Variants in IGF2BP2 observed in about 807,000 individuals in gnomAD.
The protein encoded by IGF2BP2 is insulin like growth factor 2 mRNA binding protein 2.
Under a neutral mutation model 75.8 loss-of-function variants are expected in IGF2BP2, and 17 were observed. The ratio of observed to expected loss-of-function variants is 0.22; its 90% CI spans 0.15 to 0.34. The LOEUF (loss-of-function observed/expected upper bound fraction) is 0.34. Among genes scored for constraint, IGF2BP2 ranks in the 10% least tolerant of loss-of-function variants. The pLI, the probability that IGF2BP2 is intolerant of heterozygous loss-of-function variation, is 1.00. For missense variants in IGF2BP2, 516 were observed against 772.4 expected (o/e 0.67, Z 3.93); for synonymous variants, 288 against 295.6 (o/e 0.97, Z 0.26).
chr3:185,786,234 C>G (rs886853020), intron 2 of IGF2BP2, among the ~76,000 whole-genome samples: 1 of 152,116 alleles, frequency 6.6e-6, no homozygotes, highest in Admixed American at 6.5e-5. Flanking sequence ...CCCCAAGAAT[C>G]AATGTTCACT....
intron 10 of IGF2BP2, among the ~76,000 whole-genome samples, chr3:185,666,009 G>C (rs754045598): frequency 1.3e-5 from 1 of 76,952 alleles, no homozygotes; most frequent in Non-Finnish European, 3.2e-5. Flanking sequence ...TACATAGATA[G>C]ATAGATAGAT....
chr3:185,677,410 A>G (rs1009951756), intron 7 of IGF2BP2, among the ~76,000 whole-genome samples: 2 of 151,956 alleles, frequency 1.3e-5, no homozygotes, highest in African/African-American at 4.8e-5. Flanking sequence ...AGAGGGATCA[A>G]GAGATTAGAA....
chr3:185,716,829 A>G (rs568306770), intron 2 of IGF2BP2: 1 of 515,548 alleles, frequency 1.9e-6, no homozygotes, highest in South Asian at 1.4e-5. Context: ...AAGAGAGGCT[A>G]CGCAGCCTGG....
chr3:185,675,651 T>G (rs765224284), intron 8 of IGF2BP2, 140 bp downstream of exon 8: 15 of 1,219,848 alleles, frequency 1.2e-5, no homozygotes, highest in Non-Finnish European at 1.6e-5. Flanking sequence ...ATTTATGTAT[T>G]TTTTTAAAAG....
In IGF2BP2 at chr3:185,648,307, T is replaced by C. The variant is rs553326769; in HGVS notation, c.1593+1096A>G. Reference sequence around the variant, plus strand: ...TGAAACCCCGTCTATACTAAAAATATAAAAAATTAGCTGGGCATGGTGGCG... The same window carrying C: ...TGAAACCCCGTCTATACTAAAAATACAAAAAATTAGCTGGGCATGGTGGCG... On this transcript the variant is annotated intron_variant, in intron 14 of 15. Coordinates refer to ENST00000382199, the MANE Select transcript of IGF2BP2 (RefSeq NM_006548.6). 2.0e-5 allele frequency among the ~76,000 whole-genome samples: 3 copies of C among 151,504 alleles called. No homozygotes were observed. The South Asian group carries it at 6.3e-4, about 32-fold the overall frequency.
intron 2 of IGF2BP2, among the ~76,000 whole-genome samples, chr3:185,785,086 A>C (rs1027786502): frequency 6.6e-6 from 1 of 152,116 alleles, no homozygotes. Flanking sequence ...AGATCACTTG[A>C]GGTCAGGAGT....
chr3:185,726,015 T>C (rs1278901262), intron 2 of IGF2BP2, among the ~76,000 whole-genome samples: 1 of 152,130 alleles, frequency 6.6e-6, no homozygotes, highest in Non-Finnish European at 1.5e-5. Flanking sequence ...TGAACACTGG[T>C]GTTGGTTAAA....
intron 2 of IGF2BP2, among the ~76,000 whole-genome samples, chr3:185,761,660 G>T (rs755576916): frequency 3.9e-5 from 6 of 152,190 alleles, no homozygotes; most frequent in Non-Finnish European, 8.8e-5. Flanking sequence ...CCCTGATAGA[G>T]TTCAACAAAA....
chr3:185,783,359 G>C (rs1735451762), intron 2 of IGF2BP2, among the ~76,000 whole-genome samples: 1 of 152,194 alleles, frequency 6.6e-6, no homozygotes, highest in Admixed American at 6.5e-5. Context: ...CAGGGTTACA[G>C]GGAGCTCTGC....
intron 2 of IGF2BP2, among the ~76,000 whole-genome samples, chr3:185,706,990 C>T (rs1450627069): frequency 6.6e-6 from 1 of 152,032 alleles, no homozygotes; most frequent in East Asian, 1.9e-4. Context: ...GATACACCTG[C>T]CTCAGTCTCC....
At chr3:185,757,437 C>A (rs1329032666) in intron 2 of IGF2BP2, among the ~76,000 whole-genome samples, 1 of 150,026 alleles carries the variant, frequency 6.7e-6, no homozygotes, top group Non-Finnish European at 1.5e-5. Flanking sequence ...AAGTATAGCC[C>A]TTGGAGAGAC....
chr3:185,800,741 A>AGAAAGAAAGAAAGAAAGAAC (rs1553893969), intron 2 of IGF2BP2, among the ~76,000 whole-genome samples: 21 of 151,712 alleles, frequency 1.4e-4, no homozygotes, highest in African/African-American at 3.4e-4. Flanking sequence ...AAAGAAAGAA[A>AGAAAGAAAGAAAGAAAGAAC]GTACTTGCTG....
intron 2 of IGF2BP2, among the ~76,000 whole-genome samples, chr3:185,820,856 C>T (rs976503849): frequency 1.3e-5 from 2 of 152,156 alleles, no homozygotes; most frequent in African/African-American, 2.4e-5. Flanking sequence ...TATTTTCTTC[C>T]CATTTTCATT....
chr3:185,653,194 G>A (rs2149070489), intron 12 of IGF2BP2, among the ~76,000 whole-genome samples: 1 of 152,196 alleles, frequency 6.6e-6, no homozygotes, highest in African/African-American at 2.4e-5. Context: ...GGCTGAGCAG[G>A]CATTTTTGTT....
Position 185,647,178 on chromosome 3 carries a change from T to C in IGF2BP2, c.1594-40A>G. On this transcript the variant is annotated intron_variant, in intron 14 of 15. Transcript: ENST00000382199. This position sits in a 1 kb window ranked among gnomAD's most constrained non-coding sequence, Gnocchi z 4.9. ...ACGGCAACGGGTTGGATAGGTTCCC[T>C]CCCCGTCAACGTGGTGGGCTCAGGA... The C allele has an allele frequency of 7.0e-7, 1 of 1,437,564 alleles. No homozygotes were observed. The highest frequency in any genetic ancestry group is 9.8e-7 in the Non-Finnish European group (1 of 1,018,974). 89.1% of individuals were successfully genotyped at this position (1,437,564 alleles called of 1,614,324 possible). A position where few individuals can be genotyped will look rare whatever the true frequency, so the allele number is the denominator to read the frequency against.
intron 10 of IGF2BP2, among the ~76,000 whole-genome samples, chr3:185,665,305 A>C (rs1218717182): frequency 1.6e-5 from 1 of 62,580 alleles, no homozygotes. Context: ...GGAGAAGGAG[A>C]AGGAGCAGAA....
chr3:185,722,790 A>G (rs1726761655), intron 2 of IGF2BP2, among the ~76,000 whole-genome samples: 1 of 152,222 alleles, frequency 6.6e-6, no homozygotes, highest in Non-Finnish European at 1.5e-5. Flanking sequence ...TTATATAAAC[A>G]AATACACAAA....
chr3:185,810,514 C>G (rs973261515), intron 2 of IGF2BP2, among the ~76,000 whole-genome samples: 1 of 152,222 alleles, frequency 6.6e-6, no homozygotes, highest in Non-Finnish European at 1.5e-5. Context: ...TGGCTCATGC[C>G]TGTAATCCCA....
intron 2 of IGF2BP2, among the ~76,000 whole-genome samples, chr3:185,735,344 C>T (rs960292732): frequency 2.6e-5 from 4 of 152,086 alleles, no homozygotes; most frequent in South Asian, 2.1e-4. Flanking sequence ...TGGGGTTTCG[C>T]TGTGTTGGCC....
Sources: gnomAD v4.1 joint callset for allele counts (sites outside exome capture counted in the v4.1 genomes callset) on GRCh38, gnomAD v4.1.1 for gene constraint, Gnocchi (gnomAD v3.1) non-coding constraint, MANE v1.5 for transcripts, NCBI Gene and HGNC (gene_info 2026-07-23, HGNC 2026-07-21) for gene names.